Variants in ESR1 observed in about 807,000 individuals in gnomAD.
ESR1 encodes estrogen receptor 1, also known as estrogen receptor.
ESR1 carries 12 observed loss-of-function variants against 52.7 expected under a neutral mutation model. That is an observed-to-expected ratio of 0.23 (90% CI 0.15 to 0.37). The LOEUF (loss-of-function observed/expected upper bound fraction) is 0.37, where lower values mean the gene tolerates loss of function less well. ESR1 is among the 10% of genes least tolerant of loss of function. The pLI is 1.00. For missense variants in ESR1, 584 were observed against 779.7 expected (o/e 0.75, Z 2.99); for synonymous variants, 305 against 316.8 (o/e 0.96, Z 0.39).
At chr6:151,772,006 T>G (rs1785560802) in intron 2 of ESR1, among the ~76,000 whole-genome samples, 1 of 152,192 alleles carries the variant, frequency 6.6e-6, no homozygotes, top group South Asian at 2.1e-4. Context: ...AGGGTAAATG[T>G]TTCTAATGAA....
intron 1 of ESR1, among the ~76,000 whole-genome samples, chr6:151,842,100 T>G (rs969404239): frequency 6.6e-6 from 1 of 152,208 alleles, no homozygotes; most frequent in Admixed American, 6.5e-5. Flanking sequence ...AAAACTGATA[T>G]CCAGGGTTAT....
intron 6 of ESR1, among the ~76,000 whole-genome samples, chr6:152,080,555 A>T (rs1204446512): frequency 6.6e-6 from 1 of 152,206 alleles, no homozygotes; most frequent in East Asian, 1.9e-4. Context: ...AAACATTCCA[A>T]ATTGTAAAGA....
intron 5 of ESR1, among the ~76,000 whole-genome samples, chr6:152,012,048 T>A (rs201717148): frequency 2.8e-3 from 253 of 91,674 alleles, no homozygotes; most frequent in African/African-American, 8.4e-3. Context: ...ACACACACAC[T>A]CACACTCTCT....
chr6:151,702,965 A>G (rs1371463736), intron 2 of ESR1, among the ~76,000 whole-genome samples: 1 of 152,186 alleles, frequency 6.6e-6, no homozygotes, highest in Admixed American at 6.5e-5. Context: ...AGCCTTCAAA[A>G]TGTTCAAAAG....
intron 6 of ESR1, among the ~76,000 whole-genome samples, chr6:152,114,890 CAAAAAA>C (rs60553265): frequency 2.4e-5 from 1 of 41,172 alleles, no homozygotes; most frequent in Non-Finnish European, 4.4e-5. Context: ...GACTCCGTCT[CAAAAAA>C]AAAAAAAAAA....
intron 1 of ESR1, among the ~76,000 whole-genome samples, chr6:151,666,279 A>C (rs1018087529): frequency 3.9e-5 from 6 of 152,156 alleles, no homozygotes; most frequent in African/African-American, 1.4e-4. Flanking sequence ...GAGGAAAAAA[A>C]GTTGTGTGGT....
intron 6 of ESR1, among the ~76,000 whole-genome samples, chr6:152,109,863 G>A (rs2051111441): frequency 1.3e-5 from 2 of 152,152 alleles, no homozygotes; most frequent in Admixed American, 1.3e-4. Context: ...TTCCTGCAAC[G>A]GGAGACACCT....
chr6:152,098,775 G>A lies in ESR1; in HGVS notation c.1597G>A (p.Val533Met), dbSNP rs778116774. 1.3e-5 allele frequency: 21 copies of A among 1,614,044 alleles called. No homozygotes were observed. Among genetic ancestry groups the A allele is most frequent in the Admixed American group, 1.2e-4 (7 of 60,006 alleles). The change falls in exon 8 of 8, where the codon GTG (valine) becomes ATG (methionine). Residue 533 changes from valine (V) to methionine (M), a missense_variant. This residue lies in a region of ESR1 where 141 missense variants were observed against 289.3 expected (regional missense o/e 0.49). Transcript: ENST00000206249. The surrounding 1 kb of genome is among the most constrained non-coding windows in gnomAD (Gnocchi z 5.1). ...TCTGTACAGCATGAAGTGCAAGAAC[G>A]TGGTGCCCCTCTATGACCTGCTGCT... is the stretch of plus-strand genomic sequence containing the variant. ...EHLYSMKCKN[V>M]VPLYDLLLEM...
At chr6:151,781,797 T>C (rs1481186791) in intron 2 of ESR1, among the ~76,000 whole-genome samples, 1 of 149,340 alleles carries the variant, frequency 6.7e-6, no homozygotes, top group Non-Finnish European at 1.5e-5. Flanking sequence ...AAAAAAAGTA[T>C]TGTGCACAAA....
At chr6:151,779,567 C>G (rs557138050) in intron 2 of ESR1, among the ~76,000 whole-genome samples, 1 of 152,090 alleles carries the variant, frequency 6.6e-6, no homozygotes, top group Non-Finnish European at 1.5e-5. Context: ...AACACATATA[C>G]TGTTGGTGGG....
At chr6:151,792,273 A>G (rs2128132975) in intron 2 of ESR1, among the ~76,000 whole-genome samples, 1 of 152,342 alleles carries the variant, frequency 6.6e-6, no homozygotes, top group East Asian at 1.9e-4. Context: ...TGGGAGAGTC[A>G]GCGAATGGCT....
intron 1 of ESR1, among the ~76,000 whole-genome samples, chr6:151,692,526 A>T (rs1376306594): frequency 6.6e-6 from 1 of 152,180 alleles, no homozygotes; most frequent in Non-Finnish European, 1.5e-5. Flanking sequence ...TAAAAAAAAA[A>T]GTCATAGCAT....
chr6:151,778,955 T>C (rs1444719877), intron 2 of ESR1, among the ~76,000 whole-genome samples: 1 of 152,056 alleles, frequency 6.6e-6, no homozygotes, highest in Non-Finnish European at 1.5e-5. Context: ...TTTTTTTTCT[T>C]GTTAATTTAT....
At chr6:151,971,138 TC>T (rs2038869803) in intron 4 of ESR1, among the ~76,000 whole-genome samples, 1 of 152,166 alleles carries the variant, frequency 6.6e-6, no homozygotes, top group South Asian at 2.1e-4. Context: ...CATGTACTTG[TC>T]CTAGCTAGCA....
chr6:151,991,924 T>C (rs1458286107), intron 4 of ESR1, among the ~76,000 whole-genome samples: 1 of 152,110 alleles, frequency 6.6e-6, no homozygotes, highest in Admixed American at 6.6e-5. Flanking sequence ...CCCATACTCC[T>C]GGTTGACTTG....
chr6:152,118,286 T>G (rs561736743), intron 6 of ESR1: 1 of 152,196 alleles, frequency 6.6e-6, no homozygotes, highest in Non-Finnish European at 1.5e-5. Flanking sequence ...CTGGGAAATA[T>G]GGATTCTTCT....
chr6:151,907,812 T>C (rs976788695), intron 3 of ESR1, among the ~76,000 whole-genome samples: 1 of 152,232 alleles, frequency 6.6e-6, no homozygotes, highest in African/African-American at 2.4e-5. Context: ...ATGGAACCAA[T>C]GGTGATTTGT....
At chr6:152,035,649 A>G (rs962022802) in intron 5 of ESR1, among the ~76,000 whole-genome samples, 1 of 152,208 alleles carries the variant, frequency 6.6e-6, no homozygotes, top group Admixed American at 6.5e-5. Flanking sequence ...GTAAAAAACT[A>G]TAATTCAGTT....
intron 1 of ESR1, among the ~76,000 whole-genome samples, chr6:151,663,472 C>T (rs1777710746): frequency 6.6e-6 from 1 of 152,190 alleles, no homozygotes; most frequent in South Asian, 2.1e-4. Flanking sequence ...GAAGGGCTGG[C>T]ACCTTTTGTT....
Sources: gnomAD v4.1 joint callset for allele counts (sites outside exome capture counted in the v4.1 genomes callset) on GRCh38, gnomAD v4.1.1 for gene constraint, gnomAD v4.1.1 regional missense constraint, Gnocchi (gnomAD v3.1) non-coding constraint, MANE v1.5 for transcripts, NCBI Gene and HGNC (gene_info 2026-07-23, HGNC 2026-07-21) for gene names.